Variants in CNTN4 observed in about 807,000 individuals in gnomAD.
CNTN4 encodes the protein contactin 4.
Under a neutral mutation model 122.5 loss-of-function variants are expected in CNTN4, and 77 were observed. The ratio of observed to expected loss-of-function variants is 0.63; its 90% CI spans 0.52 to 0.76. CNTN4 has a LOEUF of 0.76. Among genes scored for constraint, CNTN4 ranks in the 30% least tolerant of loss-of-function variants. The pLI, the probability that CNTN4 is intolerant of heterozygous loss-of-function variation, is 0.00. For missense variants in CNTN4, 1,256 were observed against 1,259.1 expected (o/e 1.00, Z 0.04); for synonymous variants, 512 against 447.0 (o/e 1.15, Z -1.83).
intron 2 of CNTN4, among the ~76,000 whole-genome samples, chr3:2,269,656 G>A (rs2041190757): frequency 6.6e-6 from 1 of 152,074 alleles, no homozygotes; most frequent in Non-Finnish European, 1.5e-5. Flanking sequence ...ACCTTTCTTT[G>A]TCAGGGTTCT....
intron 2 of CNTN4, among the ~76,000 whole-genome samples, chr3:2,180,399 T>G (rs929958280): frequency 1.3e-5 from 2 of 152,044 alleles, no homozygotes; most frequent in Non-Finnish European, 2.9e-5. Context: ...AGTAGAATAG[T>G]AGAACTGGGA....
chr3:3,010,548 G>A (rs970316400), intron 14 of CNTN4, among the ~76,000 whole-genome samples: 4 of 151,778 alleles, frequency 2.6e-5, no homozygotes, highest in Non-Finnish European at 4.4e-5. Context: ...TCATTGTGAC[G>A]AAGAAATGGA....
intron 3 of CNTN4, among the ~76,000 whole-genome samples, chr3:2,368,572 G>C (rs999132122): frequency 6.6e-6 from 1 of 151,998 alleles, no homozygotes; most frequent in Non-Finnish European, 1.5e-5. Context: ...TTCTAAATCA[G>C]ATTGAGTCTA....
At chr3:2,423,863 A>G (rs887099562) in intron 3 of CNTN4, among the ~76,000 whole-genome samples, 20 of 142,370 alleles carry the variant, frequency 1.4e-4, no homozygotes, top group South Asian at 2.4e-4. Context: ...GGTGGGAGTA[A>G]TAGTTCTTAT....
At chr3:2,814,198 G>C (rs2092677590) in intron 6 of CNTN4, among the ~76,000 whole-genome samples, 1 of 152,000 alleles carries the variant, frequency 6.6e-6, no homozygotes, top group African/African-American at 2.4e-5. Flanking sequence ...AAAAAGTAGA[G>C]GTATTTATTT....
intron 2 of CNTN4, among the ~76,000 whole-genome samples, chr3:2,146,830 T>C (rs2035266541): frequency 6.6e-6 from 1 of 152,160 alleles, no homozygotes. Flanking sequence ...TTAGTAAATA[T>C]CAGTTTCTTT....
intron 2 of CNTN4, among the ~76,000 whole-genome samples, chr3:2,332,632 A>G (rs2043779205): frequency 6.6e-6 from 1 of 151,218 alleles, no homozygotes; most frequent in Non-Finnish European, 1.5e-5. Flanking sequence ...CAAAAAACCA[A>G]ACACCGCATA....
intron 13 of CNTN4, among the ~76,000 whole-genome samples, chr3:2,932,160 G>A (rs895012573): frequency 1.3e-5 from 2 of 152,062 alleles, no homozygotes; most frequent in East Asian, 1.9e-4. Flanking sequence ...GGCGGATCAC[G>A]AGGTCAGGAG....
chr3:2,192,412 G>C (rs1407429069), intron 2 of CNTN4, among the ~76,000 whole-genome samples: 2 of 152,200 alleles, frequency 1.3e-5, no homozygotes, highest in East Asian at 3.9e-4. Context: ...ACTTTTTAAT[G>C]ATCTCCATTG....
At chr3:2,560,196 A>T (rs937176982) in intron 3 of CNTN4, among the ~76,000 whole-genome samples, 2 of 150,790 alleles carry the variant, frequency 1.3e-5, no homozygotes, top group African/African-American at 4.9e-5. Flanking sequence ...GCTACAGTGC[A>T]GTGGTGCAAT....
At chr3:2,472,205 A>G (rs2075706597) in intron 3 of CNTN4, among the ~76,000 whole-genome samples, 1 of 151,524 alleles carries the variant, frequency 6.6e-6, no homozygotes, top group African/African-American at 2.4e-5. Flanking sequence ...TAAATCAAAG[A>G]CAAGTGCTTT....
intron 4 of CNTN4, among the ~76,000 whole-genome samples, chr3:2,657,009 T>C (rs938041191): frequency 6.6e-6 from 1 of 152,194 alleles, no homozygotes; most frequent in African/African-American, 2.4e-5. Context: ...TTTGATGTGA[T>C]CTGGAACAGT....
At chr3:2,222,599 ATAT>A (rs2039103844) in intron 2 of CNTN4, among the ~76,000 whole-genome samples, 1 of 151,656 alleles carries the variant, frequency 6.6e-6, no homozygotes, top group African/African-American at 2.4e-5. Flanking sequence ...ATTTTATATT[ATAT>A]TAATAATATC....
At chr3:2,137,335 A>T (rs760844557) in intron 2 of CNTN4, among the ~76,000 whole-genome samples, 1 of 152,204 alleles carries the variant, frequency 6.6e-6, no homozygotes, top group Non-Finnish European at 1.5e-5. Context: ...TGAACTAACC[A>T]GATACATCAG....
chr3:2,317,799 A>G (rs2043155630), intron 2 of CNTN4, among the ~76,000 whole-genome samples: 1 of 152,176 alleles, frequency 6.6e-6, no homozygotes, highest in Non-Finnish European at 1.5e-5. Flanking sequence ...CTTTAAAACG[A>G]CTGATGTGCT....
At chr3:2,594,884 A>G (rs919777466) in intron 4 of CNTN4, among the ~76,000 whole-genome samples, 2 of 152,306 alleles carry the variant, frequency 1.3e-5, no homozygotes, top group African/African-American at 2.4e-5. Context: ...TCAATTTTGC[A>G]TTATTTCTTG....
At chr3:2,813,727 A>AT (rs2092666492) in intron 6 of CNTN4, among the ~76,000 whole-genome samples, 1 of 152,080 alleles carries the variant, frequency 6.6e-6, no homozygotes, top group Non-Finnish European at 1.5e-5. Flanking sequence ...GACCCTCTTG[A>AT]TTTTATATCC....
intron 2 of CNTN4, among the ~76,000 whole-genome samples, chr3:2,188,058 A>G (rs531202954): frequency 6.6e-6 from 1 of 152,254 alleles, no homozygotes; most frequent in African/African-American, 2.4e-5. Context: ...TGCCTGGATC[A>G]AGGAAGGATC....
chr3:2,917,336 T>G (rs59376873), intron 12 of CNTN4, among the ~76,000 whole-genome samples: 63,253 of 151,122 alleles, frequency 0.42, 13,656 homozygotes, highest in East Asian at 0.64. Context: ...GAAAGCGGAA[T>G]AGGGAGAGGA....
Sources: gnomAD v4.1 joint callset for allele counts (sites outside exome capture counted in the v4.1 genomes callset) on GRCh38, gnomAD v4.1.1 for gene constraint, MANE v1.5 for transcripts, NCBI Gene and HGNC (gene_info 2026-07-23, HGNC 2026-07-21) for gene names.